QRICH2: variants seen among roughly 807,000 people sequenced by gnomAD.
QRICH2 encodes glutamine-rich protein 2.
In QRICH2, 119 loss-of-function variants were observed where a neutral mutation model predicts 168.3. The ratio of observed to expected loss-of-function variants is 0.71; its 90% CI spans 0.61 to 0.82. QRICH2 has a LOEUF of 0.82. Among genes scored for constraint, QRICH2 ranks in the 40% least tolerant of loss-of-function variants. The pLI is 0.00. For missense variants in QRICH2, 2,241 were observed against 2,491.6 expected (o/e 0.90, Z 2.14); for synonymous variants, 894 against 951.2 (o/e 0.94, Z 1.11).
intron 15 of QRICH2, among the ~76,000 whole-genome samples, chr17:76,277,785 C>A (rs2070713615): frequency 6.6e-6 from 1 of 152,026 alleles, no homozygotes; most frequent in Non-Finnish European, 1.5e-5. Context: ...CCCTTACACA[C>A]ACTCATACAT....
chr17:76,291,148 T>C lies in QRICH2; in HGVS notation c.3579A>G (p.Ala1193=), dbSNP rs149430693. ...LRRMSSSFPT[A]VETFHLMGEL... is the part of the protein sequence containing the mutation. ...CTCCCATCAGATGAAATGTCTCCAC[T>C]GCCGTGGGGAAACTAGAACTCATTC... Residue 1193 remains alanine (A), a synonymous_variant, in exon 4 of 19, where the codon GCA becomes GCG. Coordinates refer to ENST00000680821, the MANE Select transcript of QRICH2 (RefSeq NM_001388453.1). 489 of 1,614,178 alleles carry C rather than the reference T, an allele frequency of 3.0e-4. 4 individuals are homozygous for C. In the Middle Eastern group the frequency reaches 3.5e-3, roughly 11 times the overall value.
In QRICH2 at chr17:76,293,392, T is replaced by C; in HGVS notation, c.1335A>G (p.Pro445=). The change falls in exon 4 of 19, where the codon CCA becomes CCG. Residue 445 remains proline, a synonymous_variant. Transcript: ENST00000680821. ...FVVDEQRMLP[P]SVPGRDQQGL... Reference sequence around the variant, plus strand: ...CTTGCTGGTCTCTGCCAGGTACTGATGGTGGCAACATACGTTGCTCATCCA... The same window carrying C: ...CTTGCTGGTCTCTGCCAGGTACTGACGGTGGCAACATACGTTGCTCATCCA... 1.2e-6 allele frequency: 2 copies of C among 1,614,190 alleles called. No homozygotes were observed. Among genetic ancestry groups the C allele is most frequent in the Non-Finnish European group, 8.5e-7 (1 of 1,180,032 alleles).
At chr17:76,278,950 G>A (rs4789266) in intron 14 of QRICH2, 91 bp downstream of exon 14, 326,789 of 1,038,196 alleles carry the variant, frequency 0.31, 54,009 homozygotes, top group East Asian at 0.41. Context: ...ACGTTCCGCT[G>A]GGCCCTCCGG....
chr17:76,274,919 T>C (rs551903714), intron 18 of QRICH2, among the ~76,000 whole-genome samples: 3 of 152,286 alleles, frequency 2.0e-5, no homozygotes, highest in African/African-American at 7.2e-5. Context: ...GGTTCGTCCA[T>C]GTAAAGCTCC....
chr17:76,293,470 C>G lies in QRICH2; in HGVS notation c.1257G>C (p.Gln419His), dbSNP rs2071050266. The G allele has an allele frequency of 1.2e-6, 2 of 1,614,066 alleles. No homozygotes were observed. The highest frequency in any genetic ancestry group is 2.2e-5 in the East Asian group (1 of 44,890). ...PHGVVPLSMG[Q>H]LGVPPPEMDD... Reference sequence around the variant, plus strand: ...CCATTTCAGGTGGTGGCACACCAAGCTGACCCATGCTGAGGGGTACCACAC... The same window carrying G: ...CCATTTCAGGTGGTGGCACACCAAGGTGACCCATGCTGAGGGGTACCACAC... Residue 419 changes from glutamine to histidine, a missense_variant, in exon 4 of 19, where the codon CAG becomes CAC. Transcript: ENST00000680821.
At chr17:76,308,572 CCCCATGTCTAAGGG>C, upstream of QRICH2, 1 of 801,564 alleles carries the variant, frequency 1.2e-6, no homozygotes, top group Non-Finnish European at 1.5e-6. Context: ...ATGTCTATGG[CCCCATGTCTAAGGG>C]ATGCAGTCCT....
At chr17:76,285,466 T>C (rs62086311) in intron 7 of QRICH2, among the ~76,000 whole-genome samples, 60,557 of 150,808 alleles carry the variant, frequency 0.4, 12,371 homozygotes, top group East Asian at 0.58. Flanking sequence ...TGGGGTTTCA[T>C]CATGTTGGCC....
At position 76,293,207 on chromosome 17, in the gene QRICH2, G is replaced by T; in HGVS notation, c.1520C>A (p.Pro507His). The change falls in exon 4 of 19, where the codon CCC becomes CAC. Residue 507 changes from proline to histidine, a missense_variant. By Grantham distance (77) the Pro-to-His change is moderately conservative. Coordinates refer to ENST00000680821, the MANE Select transcript of QRICH2 (RefSeq NM_001388453.1). ...ISGMGQQGLVPPGIDQQGLTL... is the reference protein window; with the variant it reads ...ISGMGQQGLVHPGIDQQGLTL... ...CAATCCTTGCTGGTCTATACCAGGGGGTACTAGTCCTTGCTGACCCATGCC... is the reference window on the plus strand; with the variant it reads ...CAATCCTTGCTGGTCTATACCAGGGTGTACTAGTCCTTGCTGACCCATGCC... 5 of 1,614,082 alleles carry T rather than the reference G, an allele frequency of 3.1e-6. No homozygotes were observed. The South Asian group carries it at 4.4e-5, about 14-fold the overall frequency.
chr17:76,290,435 G>A lies in QRICH2; in HGVS notation c.3713-358C>T, dbSNP rs2070966714. On this transcript the variant is annotated intron_variant, in intron 4 of 18. Transcript: ENST00000680821. ...CTTGCTCTGTCACCCAGGCTGGAGT[G>A]CAGTGATCCATCACAGCTCACTGCA... 3.3e-5 allele frequency among the ~76,000 whole-genome samples: 5 copies of A among 152,266 alleles called. 1 individual carries two copies. In the South Asian group the frequency reaches 8.3e-4, roughly 25 times the overall value.
chr17:76,282,168 G>A (rs951763453), intron 7 of QRICH2, 53 bp from the exon 8 acceptor site: 26 of 1,548,148 alleles, frequency 1.7e-5, no homozygotes, highest in Non-Finnish European at 2.1e-5. Flanking sequence ...TCACGGCCAC[G>A]CTCTGCCCAT....
At chr17:76,287,112 A>T in intron 7 of QRICH2, 80 bp downstream of exon 7, 5 of 726,354 alleles carry the variant, frequency 6.9e-6, no homozygotes, top group South Asian at 1.4e-5. Context: ...CTAGTTTTTG[A>T]TGAGAGGTGG....
chr17:76,308,767 A>AG (rs902575755), upstream of QRICH2, among the ~76,000 whole-genome samples: 2 of 151,752 alleles, frequency 1.3e-5, no homozygotes, highest in Non-Finnish European at 2.9e-5. Flanking sequence ...TACTTTTGAG[A>AG]GGGAGTCTTG....
chr17:76,278,942 G>A (rs997996337), intron 14 of QRICH2, 99 bp downstream of exon 14: 12 of 969,324 alleles, frequency 1.2e-5, no homozygotes, highest in Admixed American at 4.0e-5. Context: ...CTTCTGTCAC[G>A]TTCCGCTGGG....
Position 76,291,033 on chromosome 17 carries a change from A to C in QRICH2, c.3694T>G (p.Phe1232Val). Residue 1232 changes from phenylalanine (F) to valine (V), a missense_variant, in exon 4 of 19, where the codon TTC becomes GTC. This residue lies in a region of QRICH2 where 2,047 missense variants were observed against 2,303.8 expected (regional missense o/e 0.89). Transcript: ENST00000680821. ...AGQTDLEKIQ[F>V]LLAQMVKRTI... Reference sequence around the variant, plus strand: ...CACCCACCCATCTGTGCCAGCAGGAACTGGATCTTCTCCAAGTCGGTTTGG... The same window carrying C: ...CACCCACCCATCTGTGCCAGCAGGACCTGGATCTTCTCCAAGTCGGTTTGG... 1 of 1,613,104 alleles carries C rather than the reference A, an allele frequency of 6.2e-7. No homozygotes were observed. The highest frequency in any genetic ancestry group is 8.5e-7 in the Non-Finnish European group (1 of 1,179,138).
rs760861667 is a variant in QRICH2 at position 76,293,701 on chromosome 17, G to A, written c.1026C>T (p.His342=). The part of the protein sequence containing the change: ...TFQFKSDSDR[H]RSREKLTSTQ... The stretch of plus-strand genomic sequence containing the variant: ...TCGAGGTAAGCTTCTCTCTACTCCT[G>A]TGACGATCTGAGTCTGATTTGAATT... The change falls in exon 4 of 19, where the codon CAC becomes CAT. Residue 342 remains histidine, a synonymous_variant. Transcript: ENST00000680821. 6.2e-7 allele frequency: 1 copy of A among 1,614,128 alleles called. No individual in the cohort carries two copies. Among genetic ancestry groups the A allele is most frequent in the South Asian group, 1.1e-5 (1 of 91,082 alleles).
At chr17:76,295,962 C>T (rs1343340247) in intron 3 of QRICH2, among the ~76,000 whole-genome samples, 3 of 152,150 alleles carry the variant, frequency 2.0e-5, no homozygotes, top group Non-Finnish European at 2.9e-5. Flanking sequence ...CAGTGGCTCA[C>T]GCCTGTAATC....
rs575559729 is a variant in QRICH2 at position 76,298,026 on chromosome 17, T to C, written c.706-4005A>G. ...ATGGGATCACAGGCACGCACCACCA[T>C]GCCCGGCTAATTTTTTGAATTTTTC... is the stretch of plus-strand genomic sequence containing the variant. On this transcript the variant is annotated intron_variant, in intron 3 of 18. Coordinates refer to ENST00000680821, the MANE Select transcript of QRICH2 (RefSeq NM_001388453.1). 1.9e-3 allele frequency among the ~76,000 whole-genome samples: 285 copies of C among 147,656 alleles called. 2 individuals carry two copies. The highest frequency in any genetic ancestry group is 6.9e-3 in the African/African-American group (269 of 39,010).
Position 76,291,230 on chromosome 17 carries a change from G to A in QRICH2, c.3497C>T (p.Ser1166Leu). ...TTCACTCGAGACTTCGCTCCCTTCT[G>A]ATAAGACTCGGTCGACGGAGTCTGG... ...RSPDSVDRVLSEGSEVSSEVL... is the reference protein window; with the variant it reads ...RSPDSVDRVLLEGSEVSSEVL... The change falls in exon 4 of 19, where the codon TCA becomes TTA. Residue 1166 changes from serine (S) to leucine (L), a missense_variant. Ser to Leu is a moderately radical substitution (Grantham distance 145). Transcript: ENST00000680821. 1 of 1,614,186 alleles carries A rather than the reference G, an allele frequency of 6.2e-7. No individual in the cohort carries two copies. Among genetic ancestry groups the A allele is most frequent in the Non-Finnish European group, 8.5e-7 (1 of 1,180,042 alleles).
chr17:76,294,026 T>A lies in QRICH2; in HGVS notation c.706-5A>T. 1 of 1,587,102 alleles carries A rather than the reference T, an allele frequency of 6.3e-7. No homozygotes were observed. The highest frequency in any genetic ancestry group is 1.1e-5 in the South Asian group (1 of 88,514). The stretch of plus-strand genomic sequence containing the variant: ...TCCCATAAGTGTTTCTGAGCCCTGG[T>A]TGGAGAGGAAGAAGGAAATCAATAA... On this transcript the variant is annotated splice_polypyrimidine_tract_variant and splice_region_variant and intron_variant, in intron 3 of 18. Transcript: ENST00000680821.
Sources: allele counts gnomAD v4.1 joint callset (sites outside exome capture counted in the v4.1 genomes callset), GRCh38; gene constraint gnomAD v4.1.1; regional missense constraint gnomAD v4.1.1; transcripts MANE v1.5; gene names NCBI Gene and HGNC (gene_info 2026-07-23, HGNC 2026-07-21).